NECAB2: variants seen among roughly 807,000 people sequenced by gnomAD.
The protein encoded by NECAB2 is N-terminal EF-hand calcium binding protein 2, also known as N-terminal EF-hand calcium-binding protein 2.
A neutral mutation model predicts 51.9 loss-of-function variants in NECAB2; 68 were observed. That is an observed-to-expected ratio of 1.31 (90% CI 1.08 to 1.60). The LOEUF (loss-of-function observed/expected upper bound fraction) is 1.60. Among genes scored for constraint, NECAB2 ranks in the 40% most tolerant of loss-of-function variants. The pLI, the probability that NECAB2 is intolerant of heterozygous loss-of-function variation, is 0.00. For synonymous variants in NECAB2, 329 were observed against 203.5 expected (o/e 1.62, Z -5.25); for missense variants, 854 against 490.3 (o/e 1.74, Z -7.00).
intron 10 of NECAB2, among the ~76,000 whole-genome samples, chr16:83,999,723 G>A (rs1352760131): frequency 1.3e-5 from 2 of 152,098 alleles, no homozygotes; most frequent in Non-Finnish European, 2.9e-5. Context: ...AGCAATGGGG[G>A]ACTTGCCTGC....
intron 6 of NECAB2, among the ~76,000 whole-genome samples, chr16:83,990,833 A>G (rs1425622401): frequency 6.6e-6 from 1 of 152,120 alleles, no homozygotes; most frequent in East Asian, 1.9e-4. Flanking sequence ...CAAGGATTGA[A>G]TGAGATAGTA....
rs1317849363 is a variant in NECAB2, at chr16:84,000,758, T to TTTGTCATCTATGAGTTCTGGGAGACAGA, written c.998_1025dup (p.Glu342AspfsTer5). Reference sequence around the variant, plus strand: ...CGTGAGGCTCTCAGATGGCTTCACCTTTGTCATCTATGAGTTCTGGGAGAC... The same window carrying TTTGTCATCTATGAGTTCTGGGAGACAGA: ...CGTGAGGCTCTCAGATGGCTTCACCTTTGTCATCTATGAGTTCTGGGAGACAGATTGTCATCTATGAGTTCTGGGAGAC... On this transcript the variant is annotated frameshift_variant, in exon 11 of 13. Transcript: ENST00000305202. LOFTEE classifies it high-confidence loss of function. The TTTGTCATCTATGAGTTCTGGGAGACAGA allele has an allele frequency of 6.2e-7, 1 of 1,613,722 alleles. No individual in the cohort carries two copies. Among genetic ancestry groups the TTTGTCATCTATGAGTTCTGGGAGACAGA allele is most frequent in the East Asian group, 2.2e-5 (1 of 44,882 alleles).
At chr16:83,986,707 A>G (rs1261244800) in intron 5 of NECAB2, among the ~76,000 whole-genome samples, 2 of 146,842 alleles carry the variant, frequency 1.4e-5, no homozygotes, top group East Asian at 2.0e-4. Flanking sequence ...TTTGGTAGAG[A>G]CAGGGTTTCC....
chr16:83,965,331 C>T (rs139508326), upstream of NECAB2: 122 of 1,574,624 alleles, frequency 7.7e-5, no homozygotes, highest in African/African-American at 1.5e-3. Flanking sequence ...GACAGCCCGG[C>T]CCGGCTGGGC....
At position 84,002,444 on chromosome 16, in the gene NECAB2, T is replaced by G; in HGVS notation, c.*98T>G. On this transcript the variant is annotated 3_prime_UTR_variant, in exon 13 of 13. Coordinates refer to ENST00000305202, the MANE Select transcript of NECAB2 (RefSeq NM_019065.3). ...ACAGACACTTTGGTGCAGAAGCTTC[T>G]TTTCAATCCATCCTCCACAAGAAGG... 6.9e-7 allele frequency: 1 copy of G among 1,451,240 alleles called. No individual in the cohort carries two copies. The highest frequency in any genetic ancestry group is 9.6e-7 in the Non-Finnish European group (1 of 1,038,470). 89.9% of individuals were successfully genotyped at this position (1,451,240 alleles called of 1,614,324 possible).
At chr16:83,971,885 C>A (rs8060149) in intron 1 of NECAB2, 2 of 587,186 alleles carry the variant, frequency 3.4e-6, no homozygotes, top group East Asian at 5.7e-5. Context: ...CGTGGGCCTG[C>A]GTGTGTGTGT....
At position 83,972,178 on chromosome 16, in the gene NECAB2, G is replaced by C. The variant is rs2084357085; in HGVS notation, c.226+3G>C. 1 of 1,613,590 alleles carries C rather than the reference G, an allele frequency of 6.2e-7. No individual in the cohort carries two copies. The highest frequency in any genetic ancestry group is 8.5e-7 in the Non-Finnish European group (1 of 1,180,022). On this transcript the variant is annotated splice_donor_region_variant and intron_variant, in intron 2 of 12. Coordinates refer to ENST00000305202, the MANE Select transcript of NECAB2 (RefSeq NM_019065.3). ...TTTCCGCCGTGCGGACAAAAATGGT[G>C]AGTTTCCCTTCCAGGCCGACGGCCG...
At chr16:83,966,029 T>G, upstream of NECAB2, 1 of 1,485,506 alleles carries the variant, frequency 6.7e-7, no homozygotes, top group Non-Finnish European at 9.0e-7. Flanking sequence ...ACCCGCTGGC[T>G]CCCAGGCCCT....
At chr16:83,971,974 CCT>C in intron 1 of NECAB2, 175 bp from the exon 2 acceptor site, 1 of 785,232 alleles carries the variant, frequency 1.3e-6, no homozygotes, top group Non-Finnish European at 2.0e-6. Context: ...CTGCAACATC[CCT>C]CATCAGTTCC....
intron 5 of NECAB2, among the ~76,000 whole-genome samples, chr16:83,981,392 A>G (rs1175577740): frequency 1.4e-5 from 2 of 146,350 alleles, no homozygotes; most frequent in Admixed American, 7.0e-5. Flanking sequence ...GGTGGCCGCA[A>G]TCACCCTGTG....
chr16:84,002,580 C>T lies in NECAB2; in HGVS notation c.*234C>T. ...AGCCCAAGGTTGAAGGGGGCGGCTT[C>T]CTGGAGCCAGCACCCCTGCCTCCTG... On this transcript the variant is annotated 3_prime_UTR_variant, in exon 13 of 13. Coordinates refer to ENST00000305202, the MANE Select transcript of NECAB2 (RefSeq NM_019065.3). The T allele has an allele frequency of 3.3e-6, 2 of 599,096 alleles. No homozygotes were observed. Among genetic ancestry groups the T allele is most frequent in the Non-Finnish European group, 5.9e-6 (2 of 339,452 alleles). 37.1% of individuals were successfully genotyped at this position (599,096 alleles called of 1,614,324 possible).
intron 2 of NECAB2, 115 bp downstream of exon 2, chr16:83,972,290 A>G (rs1479289634): frequency 2.0e-6 from 3 of 1,465,282 alleles, no homozygotes; most frequent in African/African-American, 1.4e-5. Context: ...TTTGGAGTGC[A>G]GGGGTCTGAA....
chr16:84,000,599 A>T, intron 10 of NECAB2, 125 bp from the exon 11 acceptor site: 2 of 700,656 alleles, frequency 2.9e-6, no homozygotes, highest in Admixed American at 2.5e-5. Flanking sequence ...GGAGGTCAAG[A>T]CAGGAAGAAA....
intron 7 of NECAB2, 61 bp downstream of exon 7, chr16:83,994,481 G>A (rs1179805950): frequency 6.3e-7 from 1 of 1,596,570 alleles, no homozygotes; most frequent in African/African-American, 1.3e-5. Flanking sequence ...AGTTCTGAGA[G>A]TCCTCTGACA....
At chr16:83,998,415 A>G (rs767856311) in intron 10 of NECAB2, 98 bp downstream of exon 10, 3 of 1,149,520 alleles carry the variant, frequency 2.6e-6, no homozygotes, top group African/African-American at 1.5e-5. Flanking sequence ...AAGTAGTACA[A>G]GTTGCACCCC....
chr16:83,999,023 C>G (rs916805124), intron 10 of NECAB2, among the ~76,000 whole-genome samples: 5 of 152,282 alleles, frequency 3.3e-5, no homozygotes, highest in African/African-American at 1.2e-4. Flanking sequence ...CTTCCCAGGG[C>G]TTTCTTCCAT....
chr16:83,985,574 A>T (rs1012993087), intron 5 of NECAB2, among the ~76,000 whole-genome samples: 1 of 151,662 alleles, frequency 6.6e-6, no homozygotes, highest in Non-Finnish European at 1.5e-5. Context: ...TGGAGGTTGC[A>T]GTGAGCCGAG....
chr16:84,000,932 C>G (rs112600854), intron 11 of NECAB2, 131 bp downstream of exon 11: 5 of 847,860 alleles, frequency 5.9e-6, no homozygotes, highest in African/African-American at 1.7e-5. Context: ...GGCATCTACC[C>G]GCTGGCATGC....
intron 10 of NECAB2, 101 bp from the exon 11 acceptor site, chr16:84,000,623 C>G (rs188636325): frequency 5.9e-6 from 5 of 842,696 alleles, no homozygotes; most frequent in Admixed American, 2.2e-5. Flanking sequence ...TGAAGGCAGC[C>G]GTTGTGTATA....
Sources: allele counts gnomAD v4.1 joint callset (sites outside exome capture counted in the v4.1 genomes callset), GRCh38; gene constraint gnomAD v4.1.1; transcripts MANE v1.5; gene names NCBI Gene and HGNC (gene_info 2026-07-23, HGNC 2026-07-21).